The following DOCK4 variants were observed in gnomAD, a reference collection of about 807,000 sequenced individuals.
The protein encoded by DOCK4 is dedicator of cytokinesis protein 4.
Under a neutral mutation model 268.1 loss-of-function variants are expected in DOCK4, and 97 were observed. The observed-to-expected ratio is 0.36, with a 90% CI of 0.31 to 0.43. DOCK4 has a LOEUF of 0.43. DOCK4 is among the 20% of genes least tolerant of loss of function. The pLI, the probability that DOCK4 is intolerant of heterozygous loss-of-function variation, is 1.00. For missense variants in DOCK4, 2,145 were observed against 2,455.7 expected (o/e 0.87, Z 2.67); for synonymous variants, 954 against 887.2 (o/e 1.08, Z -1.34).
chr7:111,919,125 C>CA (rs1562886469), intron 12 of DOCK4, among the ~76,000 whole-genome samples: 1 of 140,300 alleles, frequency 7.1e-6, no homozygotes, highest in Non-Finnish European at 1.5e-5. Context: ...AAAAACAAAA[C>CA]AAAAAACAAA....
At chr7:112,197,422 A>G (rs11770767) in intron 1 of DOCK4, among the ~76,000 whole-genome samples, 20,217 of 152,158 alleles carry the variant, frequency 0.13, 1,457 homozygotes, top group South Asian at 0.18. Flanking sequence ...TTGAAATATT[A>G]TTCGTGCACT....
At chr7:111,739,335 A>C in intron 48 of DOCK4, 61 bp downstream of exon 48, 1 of 1,595,692 alleles carries the variant, frequency 6.3e-7, no homozygotes. Flanking sequence ...AGCTGGCCAC[A>C]GTTCCCAGGA....
chr7:111,972,237 G>A (rs1341460768), intron 8 of DOCK4, among the ~76,000 whole-genome samples: 3 of 152,178 alleles, frequency 2.0e-5, no homozygotes, highest in African/African-American at 7.2e-5. Flanking sequence ...AAATACTGAA[G>A]TGCTTAGGCA....
At chr7:111,960,865 C>A (rs963348450) in intron 8 of DOCK4, among the ~76,000 whole-genome samples, 1 of 152,134 alleles carries the variant, frequency 6.6e-6, no homozygotes, top group Non-Finnish European at 1.5e-5. Flanking sequence ...GAGTTTCCTT[C>A]TTTTTAAGGC....
At chr7:112,050,705 C>G (rs563583903) in intron 1 of DOCK4, among the ~76,000 whole-genome samples, 47 of 152,214 alleles carry the variant, frequency 3.1e-4, no homozygotes, top group Middle Eastern at 6.8e-3. Flanking sequence ...CAGCTTCCAG[C>G]TTCCAGTGTA....
chr7:111,783,012 AAG>A, intron 34 of DOCK4, 88 bp from the exon 35 acceptor site: 1 of 1,166,088 alleles, frequency 8.6e-7, no homozygotes, highest in African/African-American at 1.8e-5. Context: ...AAAAGAAAGA[AAG>A]AAAGAAAAAA....
In DOCK4 at chr7:111,760,293, G is replaced by A; in HGVS notation, c.4050C>T (p.Asp1350=). The A allele has an allele frequency of 6.2e-7, 1 of 1,613,894 alleles. No homozygotes were observed. Among genetic ancestry groups the A allele is most frequent in the Non-Finnish European group, 8.5e-7 (1 of 1,179,880 alleles). Reference sequence around the variant, plus strand: ...GTTGGAAGGCTTCCAGCCTCTCGTAGTCATGCCCTCGACACACAAACTCCT... The same window carrying A: ...GTTGGAAGGCTTCCAGCCTCTCGTAATCATGCCCTCGACACACAAACTCCT... The part of the protein sequence containing the change: ...RNKEFVCRGH[D]YERLEAFQQR... Residue 1350 remains aspartate, a synonymous_variant, in exon 40 of 53, where the codon GAC becomes GAT. Transcript: ENST00000428084.
intron 1 of DOCK4, among the ~76,000 whole-genome samples, chr7:112,083,087 C>T (rs923977375): frequency 9.2e-5 from 14 of 152,002 alleles, no homozygotes; most frequent in African/African-American, 3.1e-4. Flanking sequence ...TAATGTACTT[C>T]TTTTCAGAGG....
At chr7:112,152,957 A>T (rs1001614610) in intron 1 of DOCK4, among the ~76,000 whole-genome samples, 3 of 152,190 alleles carry the variant, frequency 2.0e-5, no homozygotes, top group Non-Finnish European at 4.4e-5. Flanking sequence ...TTTGTGTTTA[A>T]CCATTTCAAA....
chr7:111,974,706 T>C (rs1798035569), intron 8 of DOCK4, among the ~76,000 whole-genome samples: 1 of 151,836 alleles, frequency 6.6e-6, no homozygotes, highest in African/African-American at 2.4e-5. Flanking sequence ...CCAGGAAAAC[T>C]ACACAGCTCC....
intron 20 of DOCK4, 137 bp from the exon 21 acceptor site, chr7:111,869,792 T>C: frequency 1.5e-6 from 1 of 683,692 alleles, no homozygotes; most frequent in Non-Finnish European, 2.5e-6. Context: ...CAATCTGCTG[T>C]ATAATAATTT....
chr7:111,775,402 G>A (rs1585948034), intron 36 of DOCK4, among the ~76,000 whole-genome samples: 1 of 152,302 alleles, frequency 6.6e-6, no homozygotes, highest in South Asian at 2.1e-4. Flanking sequence ...TGGAGTACAT[G>A]CATTCCACCC....
At chr7:111,895,531 T>C in intron 16 of DOCK4, 81 bp downstream of exon 16, 2 of 1,209,304 alleles carry the variant, frequency 1.7e-6, no homozygotes, top group Non-Finnish European at 2.4e-6. Flanking sequence ...CATTTTTTTC[T>C]CTTTTCAAAA....
chr7:112,195,444 T>C (rs1820333406), intron 1 of DOCK4, among the ~76,000 whole-genome samples: 1 of 152,170 alleles, frequency 6.6e-6, no homozygotes, highest in African/African-American at 2.4e-5. Context: ...GTTGATGTTT[T>C]GGGTTTTCGT....
intron 13 of DOCK4, among the ~76,000 whole-genome samples, chr7:111,909,244 T>C (rs1791884590): frequency 6.6e-6 from 1 of 152,224 alleles, no homozygotes; most frequent in Non-Finnish European, 1.5e-5. Flanking sequence ...TGGTTTTGAT[T>C]TGCATTTCTC....
chr7:112,002,349 T>C (rs894948583), intron 2 of DOCK4, among the ~76,000 whole-genome samples: 3 of 152,198 alleles, frequency 2.0e-5, no homozygotes, highest in Non-Finnish European at 2.9e-5. Flanking sequence ...GAGGTCTCTG[T>C]CCAATTATAC....
chr7:112,062,760 A>G (rs1226719889), intron 1 of DOCK4, among the ~76,000 whole-genome samples: 2 of 151,938 alleles, frequency 1.3e-5, no homozygotes, highest in Non-Finnish European at 2.9e-5. Context: ...GCTCACTGCA[A>G]CCTCCACCTC....
At chr7:111,959,677 A>T (rs1015757718) in intron 8 of DOCK4, among the ~76,000 whole-genome samples, 1 of 152,032 alleles carries the variant, frequency 6.6e-6, no homozygotes. Context: ...TTTCCTAACA[A>T]CTCAGTCTTT....
intron 12 of DOCK4, among the ~76,000 whole-genome samples, chr7:111,928,115 T>C (rs190402139): frequency 1.3e-3 from 205 of 152,374 alleles, no homozygotes; most frequent in East Asian, 3.7e-3. Context: ...AAGGCTCTCA[T>C]GTCACAAAGA....
Sources: allele counts gnomAD v4.1 joint callset (sites outside exome capture counted in the v4.1 genomes callset), GRCh38; gene constraint gnomAD v4.1.1; transcripts MANE v1.5; gene names NCBI Gene and HGNC (gene_info 2026-07-23, HGNC 2026-07-21).